FHIT: variants seen among roughly 807,000 people sequenced by gnomAD.
FHIT encodes fragile histidine triad diadenosine triphosphatase.
In FHIT, 19 loss-of-function variants were observed where a neutral mutation model predicts 17.9. That is an observed-to-expected ratio of 1.06 (90% CI 0.74 to 1.56). FHIT has a LOEUF of 1.56. Among genes scored for constraint, FHIT ranks in the 40% most tolerant of loss-of-function variants. The pLI is 0.00. For missense variants in FHIT, 248 were observed against 189.2 expected (o/e 1.31, Z -1.82); for synonymous variants, 81 against 69.7 (o/e 1.16, Z -0.81).
chr3:60,816,288 T>C (rs1265296309), intron 4 of FHIT, among the ~76,000 whole-genome samples: 2 of 152,094 alleles, frequency 1.3e-5, no homozygotes, highest in Non-Finnish European at 2.9e-5. Flanking sequence ...TGAATAGGAG[T>C]AGTAAGAGTG....
chr3:60,185,334 G>A (rs561391065), intron 5 of FHIT, among the ~76,000 whole-genome samples: 1 of 152,068 alleles, frequency 6.6e-6, no homozygotes, highest in Non-Finnish European at 1.5e-5. Flanking sequence ...CCATCTCCAT[G>A]GTTTTGTCTT....
chr3:60,644,039 T>A (rs1370700114), intron 4 of FHIT, among the ~76,000 whole-genome samples: 3 of 152,196 alleles, frequency 2.0e-5, no homozygotes, highest in Non-Finnish European at 1.5e-5. Flanking sequence ...AGAAATCCCA[T>A]GGCTGGTAGA....
chr3:60,889,279 C>A (rs952900400), intron 3 of FHIT, among the ~76,000 whole-genome samples: 9 of 152,162 alleles, frequency 5.9e-5, no homozygotes, highest in Non-Finnish European at 1.0e-4. Flanking sequence ...GCAGCAGGGG[C>A]CATGTGCCTC....
At chr3:60,516,240 AAAT>A (rs1369817580) in intron 5 of FHIT, among the ~76,000 whole-genome samples, 1 of 152,230 alleles carries the variant, frequency 6.6e-6, no homozygotes, top group Non-Finnish European at 1.5e-5. Flanking sequence ...CATTTACTTA[AAAT>A]AATAAACCCA....
chr3:60,115,785 A>G (rs1240237427), intron 5 of FHIT, among the ~76,000 whole-genome samples: 1 of 152,228 alleles, frequency 6.6e-6, no homozygotes, highest in Non-Finnish European at 1.5e-5. Context: ...ATAGTAAAGT[A>G]TAAAAAAGTA....
intron 5 of FHIT, among the ~76,000 whole-genome samples, chr3:60,191,036 G>A (rs1207463101): frequency 1.3e-5 from 2 of 152,058 alleles, no homozygotes; most frequent in African/African-American, 4.8e-5. Context: ...CATCTGCTTT[G>A]CTTCCAGGAG....
At chr3:60,491,391 A>C (rs1295640882) in intron 5 of FHIT, among the ~76,000 whole-genome samples, 1 of 151,926 alleles carries the variant, frequency 6.6e-6, no homozygotes, top group African/African-American at 2.4e-5. Context: ...GAAAAGCTAC[A>C]ATTATATTTT....
At chr3:61,117,998 T>C (rs2036349766) in intron 2 of FHIT, among the ~76,000 whole-genome samples, 1 of 152,192 alleles carries the variant, frequency 6.6e-6, no homozygotes, top group Non-Finnish European at 1.5e-5. Context: ...TTTTATTTAC[T>C]CATTGTCTTC....
At chr3:60,866,343 G>C (rs1289875298) in intron 3 of FHIT, among the ~76,000 whole-genome samples, 1 of 152,142 alleles carries the variant, frequency 6.6e-6, no homozygotes, top group Non-Finnish European at 1.5e-5. Flanking sequence ...GGTTAGAAGA[G>C]CCATGAGTCC....
intron 2 of FHIT, among the ~76,000 whole-genome samples, chr3:61,110,142 G>C (rs1197045049): frequency 6.6e-6 from 1 of 152,130 alleles, no homozygotes; most frequent in Non-Finnish European, 1.5e-5. Flanking sequence ...CTCACCCAGA[G>C]TAAAGTCCCA....
intron 5 of FHIT, among the ~76,000 whole-genome samples, chr3:60,307,415 T>C (rs1454618893): frequency 2.0e-5 from 3 of 152,180 alleles, no homozygotes; most frequent in Non-Finnish European, 4.4e-5. Context: ...CACACAAGTC[T>C]TGAACTTTTA....
intron 9 of FHIT, chr3:59,750,781 A>G: frequency 4.7e-6 from 1 of 210,854 alleles, no homozygotes; most frequent in Non-Finnish European, 9.5e-6. Context: ...ACATATATTT[A>G]AAGCTATCCA....
At chr3:60,313,307 C>T (rs945571006) in intron 5 of FHIT, among the ~76,000 whole-genome samples, 1 of 152,144 alleles carries the variant, frequency 6.6e-6, no homozygotes, top group South Asian at 2.1e-4. Context: ...TATGTAAAAA[C>T]CCAGTTCTCT....
intron 5 of FHIT, among the ~76,000 whole-genome samples, chr3:60,144,909 T>C (rs1450172821): frequency 1.3e-5 from 2 of 152,150 alleles, no homozygotes; most frequent in Non-Finnish European, 2.9e-5. Context: ...AACTGGTCTG[T>C]GAAAATATTA....
intron 5 of FHIT, among the ~76,000 whole-genome samples, chr3:60,046,162 AC>A (rs1701645388): frequency 6.6e-6 from 1 of 152,194 alleles, no homozygotes; most frequent in African/African-American, 2.4e-5. Context: ...AACACAATAG[AC>A]CATTCAATAA....
At chr3:60,777,260 G>T (rs917831695) in intron 4 of FHIT, among the ~76,000 whole-genome samples, 1 of 152,234 alleles carries the variant, frequency 6.6e-6, no homozygotes, top group African/African-American at 2.4e-5. Flanking sequence ...TCAGGGTATA[G>T]CTTGGTTTGA....
intron 5 of FHIT, among the ~76,000 whole-genome samples, chr3:60,220,923 C>T (rs1421225243): frequency 2.0e-5 from 3 of 152,192 alleles, no homozygotes; most frequent in Admixed American, 6.5e-5. Flanking sequence ...TTACCCAATA[C>T]ACTAGAGCAA....
intron 8 of FHIT, among the ~76,000 whole-genome samples, chr3:59,851,480 ACTTGT>A (rs137898623): frequency 0.011 from 1,710 of 152,302 alleles, 19 homozygotes; most frequent in South Asian, 0.022. Flanking sequence ...AAACTAAGTA[ACTTGT>A]CTTAAGTTAA....
At chr3:59,757,081 C>A (rs1575606548) in intron 8 of FHIT, among the ~76,000 whole-genome samples, 1 of 152,250 alleles carries the variant, frequency 6.6e-6, no homozygotes, top group South Asian at 2.1e-4. Flanking sequence ...AAATGTGACT[C>A]TGCTTGCTCT....
Sources: allele counts gnomAD v4.1 joint callset (sites outside exome capture counted in the v4.1 genomes callset), GRCh38; gene constraint gnomAD v4.1.1; transcripts MANE v1.5; gene names NCBI Gene and HGNC (gene_info 2026-07-23, HGNC 2026-07-21).